The following EPHA6 variants were observed in gnomAD, a reference collection of about 807,000 sequenced individuals.
EPHA6 encodes the protein ephrin type-A receptor 6.
In EPHA6, 50 loss-of-function variants were observed where a neutral mutation model predicts 112.0. The observed-to-expected ratio is 0.45, with a 90% CI of 0.36 to 0.56. The LOEUF (loss-of-function observed/expected upper bound fraction) is 0.56, where lower values mean the gene tolerates loss of function less well. EPHA6 is among the 20% of genes least tolerant of loss of function. EPHA6 has a pLI of 0.00. For missense variants in EPHA6, 1,280 were observed against 1,417.4 expected (o/e 0.90, Z 1.56); for synonymous variants, 529 against 490.7 (o/e 1.08, Z -1.03).
intron 11 of EPHA6, among the ~76,000 whole-genome samples, chr3:97,546,289 G>A (rs1366641554): frequency 6.6e-6 from 1 of 152,122 alleles, no homozygotes; most frequent in Non-Finnish European, 1.5e-5. Flanking sequence ...GCATTTGCTT[G>A]TCTGTAAAGG....
chr3:97,121,676 G>A (rs753742240), intron 3 of EPHA6, among the ~76,000 whole-genome samples: 10 of 152,056 alleles, frequency 6.6e-5, no homozygotes, highest in Non-Finnish European at 1.2e-4. Flanking sequence ...TTTCCCAAGA[G>A]GTTCCATCCA....
chr3:97,470,133 G>A lies in EPHA6; in HGVS notation c.1895-5219G>A, dbSNP rs185276878. Among the ~76,000 whole-genome samples, 3 of 151,836 alleles carry A rather than the reference G, an allele frequency of 2.0e-5. No homozygotes were observed. The East Asian group carries it at 5.8e-4, about 29-fold the overall frequency. On this transcript the variant is annotated intron_variant, in intron 7 of 17. Transcript: ENST00000389672. ...GAGAATGTGGTGTTGAAAATGTGAA[G>A]ATTAATTAATCTCCATTATGTGTTG...
chr3:97,628,477 A>T (rs797014573), intron 13 of EPHA6, among the ~76,000 whole-genome samples: 30 of 152,086 alleles, frequency 2.0e-4, no homozygotes, highest in African/African-American at 6.7e-4. Flanking sequence ...ATTTCAGAAG[A>T]TATCACTAAG....
chr3:97,460,369 T>A (rs983766499), intron 7 of EPHA6, among the ~76,000 whole-genome samples: 9 of 152,258 alleles, frequency 5.9e-5, no homozygotes, highest in Non-Finnish European at 1.3e-4. Flanking sequence ...TAGAAATTTA[T>A]TCATTTGTAT....
intron 3 of EPHA6, among the ~76,000 whole-genome samples, chr3:97,170,598 G>A (rs116244579): frequency 6.6e-6 from 1 of 152,140 alleles, no homozygotes; most frequent in African/African-American, 2.4e-5. Flanking sequence ...TTACCCAGGT[G>A]TCATGGTGCA....
intron 3 of EPHA6, among the ~76,000 whole-genome samples, chr3:97,195,475 C>G (rs1224207434): frequency 6.6e-6 from 1 of 151,890 alleles, no homozygotes; most frequent in Non-Finnish European, 1.5e-5. Flanking sequence ...GTTGTTATTT[C>G]TGATAGGTTT....
intron 3 of EPHA6, among the ~76,000 whole-genome samples, chr3:96,988,847 T>C (rs2043114442): frequency 6.6e-6 from 1 of 152,146 alleles, no homozygotes; most frequent in Non-Finnish European, 1.5e-5. Flanking sequence ...GAAATACCTA[T>C]AATTTTCGTG....
intron 3 of EPHA6, among the ~76,000 whole-genome samples, chr3:97,081,447 T>A (rs1324416735): frequency 6.6e-6 from 1 of 151,866 alleles, no homozygotes; most frequent in African/African-American, 2.4e-5. Flanking sequence ...GTGTTCAAAA[T>A]CAAATATAAG....
At chr3:97,086,368 G>A (rs969258835) in intron 3 of EPHA6, among the ~76,000 whole-genome samples, 1 of 151,956 alleles carries the variant, frequency 6.6e-6, no homozygotes, top group African/African-American at 2.4e-5. Context: ...TACTGAGCAA[G>A]CATTCCTCAA....
chr3:97,238,544 A>G (rs931611612), intron 4 of EPHA6, among the ~76,000 whole-genome samples: 1 of 151,944 alleles, frequency 6.6e-6, no homozygotes, highest in African/African-American at 2.4e-5. Context: ...CTAAGTGTCA[A>G]TCATCTCTTC....
At chr3:97,242,073 A>G (rs373129664) in intron 4 of EPHA6, among the ~76,000 whole-genome samples, 131 of 151,802 alleles carry the variant, frequency 8.6e-4, no homozygotes, top group African/African-American at 2.8e-3. Context: ...ACGTTTCTGT[A>G]AACCCTATGG....
chr3:97,475,674 C>T (rs1256982611), intron 8 of EPHA6, among the ~76,000 whole-genome samples: 1 of 152,042 alleles, frequency 6.6e-6, no homozygotes, highest in Non-Finnish European at 1.5e-5. Flanking sequence ...TGTTTGAAAG[C>T]TATGAATGAT....
At chr3:97,177,814 C>T (rs900473574) in intron 3 of EPHA6, among the ~76,000 whole-genome samples, 1 of 152,014 alleles carries the variant, frequency 6.6e-6, no homozygotes, top group Admixed American at 6.6e-5. Context: ...CTCTTACCAT[C>T]TCTTTATTAT....
chr3:96,993,689 G>A (rs1190212722), intron 3 of EPHA6, among the ~76,000 whole-genome samples: 1 of 152,070 alleles, frequency 6.6e-6, no homozygotes, highest in Non-Finnish European at 1.5e-5. Context: ...TTCTCTTCAG[G>A]AGTCTAATGT....
rs113204631 is a variant in EPHA6, at chr3:97,627,035, G to A, written c.2575-10838G>A. ...GGGTCAGTCATTATTCCAGTCCCAT[G>A]CATTAGCTCACTTACTGTTTACAAC... On this transcript the variant is annotated intron_variant, in intron 13 of 17. Coordinates refer to ENST00000389672, the MANE Select transcript of EPHA6 (RefSeq NM_001080448.3). 3.0e-3 allele frequency among the ~76,000 whole-genome samples: 458 copies of A among 151,994 alleles called. 4 individuals carry two copies. Among genetic ancestry groups the A allele is most frequent in the African/African-American group, 0.01 (423 of 41,540 alleles).
intron 3 of EPHA6, among the ~76,000 whole-genome samples, chr3:97,085,950 C>T (rs9869994): frequency 0.077 from 8,198 of 105,976 alleles, 818 homozygotes; most frequent in African/African-American, 0.34. Flanking sequence ...TATATATATA[C>T]ACACTGAGAT....
chr3:96,966,042 GTATATTA>G (rs1171666975), intron 2 of EPHA6, among the ~76,000 whole-genome samples: 30 of 152,036 alleles, frequency 2.0e-4, no homozygotes, highest in African/African-American at 6.7e-4. Flanking sequence ...TGGAATTATA[GTATATTA>G]TATATCAGTA....
intron 3 of EPHA6, among the ~76,000 whole-genome samples, chr3:97,077,352 A>G (rs1199678172): frequency 1.3e-5 from 2 of 152,086 alleles, no homozygotes; most frequent in African/African-American, 4.8e-5. Context: ...GAGAACTACA[A>G]TTAAAGTGGA....
intron 16 of EPHA6, among the ~76,000 whole-genome samples, chr3:97,742,698 G>A (rs372321875): frequency 2.6e-5 from 4 of 151,982 alleles, no homozygotes; most frequent in Admixed American, 6.6e-5. Context: ...ATATGTCTAC[G>A]CATTTGAGGT....
Sources: gnomAD v4.1 joint callset for allele counts (sites outside exome capture counted in the v4.1 genomes callset) on GRCh38, gnomAD v4.1.1 for gene constraint, MANE v1.5 for transcripts, NCBI Gene and HGNC (gene_info 2026-07-23, HGNC 2026-07-21) for gene names.